The following PTPRZ1 variants were observed in gnomAD, a reference collection of about 807,000 sequenced individuals.
The protein encoded by PTPRZ1 is receptor-type tyrosine-protein phosphatase zeta.
In PTPRZ1, 82 loss-of-function variants were observed where a neutral mutation model predicts 214.1. The observed-to-expected ratio is 0.38, with a 90% CI of 0.32 to 0.46. The LOEUF is 0.46. Among genes scored for constraint, PTPRZ1 ranks in the 20% least tolerant of loss-of-function variants. The probability of loss-of-function intolerance (pLI) is 1.00; values close to 1 mark genes in which losing one functional copy is unlikely to be tolerated. For missense variants in PTPRZ1, 2,603 were observed against 2,748.7 expected (o/e 0.95, Z 1.19); for synonymous variants, 945 against 987.9 (o/e 0.96, Z 0.81).
At chr7:121,954,360 A>T (rs950982764) in intron 2 of PTPRZ1, among the ~76,000 whole-genome samples, 14 of 152,200 alleles carry the variant, frequency 9.2e-5, no homozygotes, top group African/African-American at 3.4e-4. Flanking sequence ...ACTGCCTTGC[A>T]TTCCATGTCT....
At chr7:121,908,789 T>C in intron 1 of PTPRZ1, 1 of 492,858 alleles carries the variant, frequency 2.0e-6, no homozygotes, top group South Asian at 1.5e-5. Context: ...GCTACTCATC[T>C]TTCTGGGATA....
At chr7:122,050,141 T>G (rs2150487653) in intron 23 of PTPRZ1, among the ~76,000 whole-genome samples, 1 of 152,178 alleles carries the variant, frequency 6.6e-6, no homozygotes, top group Admixed American at 6.5e-5. Flanking sequence ...TGTAAGATCA[T>G]TTTAGAAAAG....
intron 1 of PTPRZ1, among the ~76,000 whole-genome samples, chr7:121,885,029 T>C (rs1794358375): frequency 6.6e-6 from 1 of 152,210 alleles, no homozygotes; most frequent in East Asian, 1.9e-4. Flanking sequence ...TTACTCACTT[T>C]AGGTTATTTG....
intron 2 of PTPRZ1, among the ~76,000 whole-genome samples, chr7:121,960,422 TAAC>T (rs1170165503): frequency 6.6e-6 from 1 of 152,214 alleles, no homozygotes; most frequent in East Asian, 1.9e-4. Flanking sequence ...TATTTTTTCT[TAAC>T]AATATCTTGA....
Position 122,011,473 on chromosome 7 carries a change from C to T in PTPRZ1, c.2427C>T (p.Ser809=), listed in dbSNP as rs751757922. The T allele has an allele frequency of 1.2e-6, 2 of 1,614,036 alleles. No individual in the cohort carries two copies. Among genetic ancestry groups the T allele is most frequent in the Admixed American group, 1.7e-5 (1 of 60,008 alleles). Residue 809 remains serine, a synonymous_variant, in exon 12 of 30, where the codon TCC becomes TCT. Coordinates refer to ENST00000393386, the MANE Select transcript of PTPRZ1 (RefSeq NM_002851.3). ...CCAGTGTCGATGTGTCATTTGAATC[C>T]ATCCTGTCTTCCTATGATGGTGCAC... ...VFPSVDVSFE[S]ILSSYDGAPL... is the part of the protein sequence containing the mutation.
chr7:121,946,053 C>T (rs1377236993), intron 2 of PTPRZ1, among the ~76,000 whole-genome samples: 1 of 152,154 alleles, frequency 6.6e-6, no homozygotes, highest in Non-Finnish European at 1.5e-5. Flanking sequence ...TTGGAAGTTG[C>T]TCAGGAGTCT....
chr7:121,989,599 C>T (rs1047971966), intron 8 of PTPRZ1, among the ~76,000 whole-genome samples: 1 of 152,142 alleles, frequency 6.6e-6, no homozygotes, highest in Admixed American at 6.5e-5. Flanking sequence ...GTCTTGAACT[C>T]CCGAACTCAG....
intron 4 of PTPRZ1, among the ~76,000 whole-genome samples, chr7:121,975,828 T>C (rs1289412485): frequency 6.6e-6 from 1 of 152,146 alleles, no homozygotes; most frequent in African/African-American, 2.4e-5. Context: ...CAAAGAATGG[T>C]AACTCTGGAC....
chr7:122,022,530 T>TTG (rs1359653999), intron 13 of PTPRZ1, among the ~76,000 whole-genome samples: 1 of 152,116 alleles, frequency 6.6e-6, no homozygotes, highest in Non-Finnish European at 1.5e-5. Flanking sequence ...AGAACCTGAG[T>TTG]TGTGTGTTTT....
Position 122,012,677 on chromosome 7 carries a change from AC to A in PTPRZ1, c.3636del (p.Val1214LeufsTer47). 6.2e-7 allele frequency: 1 copy of A among 1,612,250 alleles called. No individual in the cohort carries two copies. Among genetic ancestry groups the A allele is most frequent in the Non-Finnish European group, 8.5e-7 (1 of 1,178,586 alleles). On this transcript the variant is annotated frameshift_variant, in exon 12 of 30. Coordinates refer to ENST00000393386, the MANE Select transcript of PTPRZ1 (RefSeq NM_002851.3). LOFTEE classifies it high-confidence loss of function. The part of the protein sequence containing the change: ...AVPSDPILVE[T>X]PKVDKISSTM... ...GCCCAGTGATCCAATATTGGTTGAA[AC>A]CCCCAAAGTTGATAAAATTAGTTCT...
chr7:122,013,191 A>G lies in PTPRZ1; in HGVS notation c.4145A>G (p.His1382Arg), dbSNP rs145763401. The change falls in exon 12 of 30, where the codon CAC becomes CGC. Residue 1382 changes from histidine to arginine, a missense_variant. By Grantham distance (29) the His-to-Arg change is conservative (BLOSUM62 0). This residue lies in a region of PTPRZ1 where 1,913 missense variants were observed against 1,914.3 expected (regional missense o/e 1.00). Coordinates refer to ENST00000393386, the MANE Select transcript of PTPRZ1 (RefSeq NM_002851.3). ...GHVAITAVSP[H>R]RDGSVTSTKL... ...GTTGCCATTACAGCTGTTTCTCCCC[A>G]CAGAGATGGTTCTGTAACCTCAACA... is the stretch of plus-strand genomic sequence containing the variant. 2.5e-6 allele frequency: 4 copies of G among 1,614,008 alleles called. No homozygotes were observed. The highest frequency in any genetic ancestry group is 2.7e-5 in the African/African-American group (2 of 74,904).
chr7:121,912,263 C>G (rs1213108596), intron 1 of PTPRZ1, among the ~76,000 whole-genome samples: 3 of 152,128 alleles, frequency 2.0e-5, no homozygotes, highest in Non-Finnish European at 4.4e-5. Context: ...TGTCCCTATC[C>G]ACTGTTCTTT....
chr7:121,904,291 G>A (rs2116277824), intron 1 of PTPRZ1, among the ~76,000 whole-genome samples: 1 of 152,176 alleles, frequency 6.6e-6, no homozygotes, highest in South Asian at 2.1e-4. Context: ...TGCCAATCAA[G>A]GACACCCCAG....
chr7:121,873,494 C>T lies in PTPRZ1; in HGVS notation c.-6C>T, dbSNP rs1793947904. On this transcript the variant is annotated 5_prime_UTR_variant, in exon 1 of 30. Transcript: ENST00000393386. ...CGCACGGCGAGGGGCCGCAGACCGT[C>T]TGGAAATGCGAATCCTAAAGCGTTT... 1.2e-6 allele frequency: 2 copies of T among 1,613,936 alleles called. No individual in the cohort carries two copies. The highest frequency in any genetic ancestry group is 1.7e-6 in the Non-Finnish European group (2 of 1,180,024).
At chr7:121,984,616 C>T (rs1797711536) in intron 8 of PTPRZ1, among the ~76,000 whole-genome samples, 1 of 152,042 alleles carries the variant, frequency 6.6e-6, no homozygotes, top group Admixed American at 6.5e-5. Flanking sequence ...TTGGCAGCCC[C>T]CAAGAAGGAG....
chr7:121,940,045 G>A (rs150893948), intron 2 of PTPRZ1, among the ~76,000 whole-genome samples: 3 of 152,234 alleles, frequency 2.0e-5, no homozygotes, highest in East Asian at 3.9e-4. Flanking sequence ...AGCCTCTACC[G>A]CATTCTTCCT....
At chr7:121,935,086 C>A (rs1447552145) in intron 2 of PTPRZ1, among the ~76,000 whole-genome samples, 1 of 152,062 alleles carries the variant, frequency 6.6e-6, no homozygotes. Flanking sequence ...TAAATATATA[C>A]AATGTGTGTT....
At chr7:122,057,724 T>A (rs1792405597) in intron 27 of PTPRZ1, among the ~76,000 whole-genome samples, 2 of 151,120 alleles carry the variant, frequency 1.3e-5, no homozygotes, top group South Asian at 4.1e-4. Flanking sequence ...ATCTTTTTAT[T>A]CCTGGCCTTT....
intron 3 of PTPRZ1, 46 bp downstream of exon 3, chr7:121,968,176 T>C (rs767612898): frequency 6.7e-7 from 1 of 1,494,710 alleles, no homozygotes; most frequent in South Asian, 1.3e-5. Flanking sequence ...TTTTCAGACC[T>C]GGAGTATGTT....
Sources: allele counts gnomAD v4.1 joint callset (sites outside exome capture counted in the v4.1 genomes callset), GRCh38; gene constraint gnomAD v4.1.1; regional missense constraint gnomAD v4.1.1; transcripts MANE v1.5; gene names NCBI Gene and HGNC (gene_info 2026-07-23, HGNC 2026-07-21).